The following RGL2 variants were observed in gnomAD, a reference collection of about 807,000 sequenced individuals.
The protein encoded by RGL2 is ral guanine nucleotide dissociation stimulator-like 2.
RGL2 carries 40 observed loss-of-function variants against 84.6 expected under a neutral mutation model. The observed-to-expected ratio is 0.47, with a 90% CI of 0.37 to 0.62. RGL2 has a LOEUF of 0.62. Among genes scored for constraint, RGL2 ranks in the 20% least tolerant of loss-of-function variants. RGL2 has a pLI of 0.00. For synonymous variants in RGL2, 369 were observed against 417.3 expected (o/e 0.88, Z 1.41); for missense variants, 865 against 1,019.7 (o/e 0.85, Z 2.07).
rs1767650027 is a variant in RGL2 at position 33,293,611 on chromosome 6, A to G, written c.1597T>C (p.Trp533Arg). 1 of 1,614,010 alleles carries G rather than the reference A, an allele frequency of 6.2e-7. No individual in the cohort carries two copies. Among genetic ancestry groups the G allele is most frequent in the Non-Finnish European group, 8.5e-7 (1 of 1,180,000 alleles). The change falls in exon 14 of 18, where the codon TGG becomes CGG. Residue 533 changes from tryptophan to arginine, a missense_variant. By Grantham distance (101) the Trp-to-Arg change is moderately radical. This residue lies in a region of RGL2 where 302 missense variants were observed against 327.9 expected (regional missense o/e 0.92). Coordinates refer to ENST00000497454, the MANE Select transcript of RGL2 (RefSeq NM_004761.5). The surrounding 1 kb of genome is among the most constrained non-coding windows in gnomAD (Gnocchi z 7.0). Reference protein sequence around the residue: ...VLRPTLVISQWTEVLGSVGVP... With the variant: ...VLRPTLVISQRTEVLGSVGVP... ...AGCCAGTGAATCTCTCACTCTGTCC[A>G]CTGCGAGATGACCAATGTTGGCCGA... is the stretch of plus-strand genomic sequence containing the variant.
Position 33,291,866 on chromosome 6 carries a change from T to C in RGL2, c.*236A>G. 1.7e-6 allele frequency: 1 copy of C among 602,262 alleles called. No individual in the cohort carries two copies. The allele number at this position is 602,262 out of a possible 1,614,324, so 37.3% of individuals were successfully genotyped here. ...CGTTTTTCCAGCACTACCTGTGTGCTGCACTCATGGAAGGTGGGAAGCTAT... is the reference window on the plus strand; with the variant it reads ...CGTTTTTCCAGCACTACCTGTGTGCCGCACTCATGGAAGGTGGGAAGCTAT... On this transcript the variant is annotated 3_prime_UTR_variant, in exon 18 of 18. Transcript: ENST00000497454.
Position 33,297,197 on chromosome 6 carries a change from C to T in RGL2, c.157-82G>A, listed in dbSNP as rs569029650. ...AGCCTTCACCCCAGGCCCTGCTCCT[C>T]CCTCTGTACCCCTCACCTGTGGTGG... On this transcript the variant is annotated intron_variant, in intron 2 of 17. Transcript: ENST00000497454. The surrounding 1 kb of genome is among the most constrained non-coding windows in gnomAD (Gnocchi z 4.0). 5.9e-6 allele frequency: 6 copies of T among 1,012,302 alleles called. No homozygotes were observed. In the South Asian group the frequency reaches 6.3e-5, roughly 11 times the overall value. 62.7% of individuals were successfully genotyped at this position (1,012,302 alleles called of 1,614,324 possible).
In RGL2 at chr6:33,292,524, A is replaced by C. The variant is rs142079539; in HGVS notation, c.2028T>G (p.Ala676=). Residue 676 remains alanine, a synonymous_variant, in exon 17 of 18, where the codon GCT becomes GCG. Coordinates refer to ENST00000497454, the MANE Select transcript of RGL2 (RefSeq NM_004761.5). ...TAAGGACACGACTGATGACACTTGG[A>C]GCCTTGTCCTGGCTTGTCACCTGGC... ...KSILVTSQDK[A]PSVISRVLKK... The C allele has an allele frequency of 6.8e-6, 11 of 1,614,088 alleles. No individual in the cohort carries two copies. Among genetic ancestry groups the C allele is most frequent in the Non-Finnish European group, 9.3e-6 (11 of 1,179,990 alleles).
chr6:33,295,607 C>A lies in RGL2; in HGVS notation c.921G>T (p.Gly307=). Residue 307 remains glycine (G), a synonymous_variant, in exon 7 of 18, where the codon GGG becomes GGT. Coordinates refer to ENST00000497454, the MANE Select transcript of RGL2 (RefSeq NM_004761.5). The surrounding 1 kb of genome is among the most constrained non-coding windows in gnomAD (Gnocchi z 7.2). The stretch of plus-strand genomic sequence containing the variant: ...CAGGTCCCTCTCCAGTGGAAGTAGC[C>A]CCCAGGACAGAACTAACCACTGCCC... The part of the protein sequence containing the change: ...VAGAVVSSVL[G]ATSTGEGPGE... The A allele has an allele frequency of 6.2e-7, 1 of 1,613,956 alleles. No homozygotes were observed. Among genetic ancestry groups the A allele is most frequent in the Non-Finnish European group, 8.5e-7 (1 of 1,180,036 alleles).
chr6:33,292,606 C>T (rs1767522694), intron 16 of RGL2, 62 bp from the exon 17 acceptor site: 3 of 1,377,720 alleles, frequency 2.2e-6, no homozygotes, highest in South Asian at 2.3e-5. Flanking sequence ...CTTCTACCCT[C>T]AGCCACTGAA....
intron 17 of RGL2, 48 bp from the exon 18 acceptor site, chr6:33,292,361 C>T (rs376466191): frequency 1.2e-6 from 2 of 1,609,162 alleles, no homozygotes; most frequent in African/African-American, 2.7e-5. Flanking sequence ...GTTGTTCCCC[C>T]CACAGCCGCC....
At position 33,298,912 on chromosome 6, in the gene RGL2, T is replaced by C. The variant is rs1204823752; in HGVS notation, c.-84A>G. 1 of 292,278 alleles carries C rather than the reference T, an allele frequency of 3.4e-6. No individual in the cohort carries two copies. The highest frequency in any genetic ancestry group is 6.3e-6 in the Non-Finnish European group (1 of 157,636). 18.1% of individuals were successfully genotyped at this position (292,278 alleles called of 1,614,324 possible). On this transcript the variant is annotated 5_prime_UTR_variant, in exon 1 of 18. Transcript: ENST00000497454. The surrounding 1 kb of genome is among the most constrained non-coding windows in gnomAD (Gnocchi z 4.8). ...GGGCAGCGTGGGTCCTGAGCCGCTG[T>C]TGCCGTCGGTCTCCGGCCCCGGACC...
At position 33,294,193 on chromosome 6, in the gene RGL2, ACT is replaced by A. The variant is rs941579856; in HGVS notation, c.1354-129_1354-128del. 64 of 1,127,526 alleles carry A rather than the reference ACT, an allele frequency of 5.7e-5. No homozygotes were observed. The highest frequency in any genetic ancestry group is 3.2e-4 in the African/African-American group (21 of 64,828). 69.8% of individuals were successfully genotyped at this position (1,127,526 alleles called of 1,614,324 possible). A position where few individuals can be genotyped will look rare whatever the true frequency, so the allele number is the denominator to read the frequency against. On this transcript the variant is annotated intron_variant, in intron 11 of 17. Coordinates refer to ENST00000497454, the MANE Select transcript of RGL2 (RefSeq NM_004761.5). The surrounding 1 kb of genome is among the most constrained non-coding windows in gnomAD (Gnocchi z 5.0). Reference sequence around the variant, plus strand: ...CAACCACTTCCCTCCAGCCTCTCTGACTCTTCGATCCCTCCCTGCCTTCCTCC... The same window carrying A: ...CAACCACTTCCCTCCAGCCTCTCTGACTTCGATCCCTCCCTGCCTTCCTCC...
Position 33,297,144 on chromosome 6 carries a change from C to T in RGL2, c.157-29G>A. The T allele has an allele frequency of 6.7e-7, 1 of 1,500,808 alleles. No homozygotes were observed. Among genetic ancestry groups the T allele is most frequent in the Non-Finnish European group, 9.0e-7 (1 of 1,115,598 alleles). 93.0% of individuals were successfully genotyped at this position (1,500,808 alleles called of 1,614,324 possible). On this transcript the variant is annotated intron_variant, in intron 2 of 17. Transcript: ENST00000497454. This position sits in a 1 kb window ranked among gnomAD's most constrained non-coding sequence, Gnocchi z 4.0. ...GAGGAGCAAGGAAGGGGAAGTCAGACAGTTCCACACCACCCCCCATTGCCC... is the reference window on the plus strand; with the variant it reads ...GAGGAGCAAGGAAGGGGAAGTCAGATAGTTCCACACCACCCCCCATTGCCC...
chr6:33,293,386 A>G lies in RGL2; in HGVS notation c.1716+27T>C. ...CATTTACAGAGTGAGGGTCAGCGTC[A>G]AGGTCAGAGTCAGGAGCAGAGCTCA... On this transcript the variant is annotated intron_variant, in intron 15 of 17. Coordinates refer to ENST00000497454, the MANE Select transcript of RGL2 (RefSeq NM_004761.5). This position sits in a 1 kb window ranked among gnomAD's most constrained non-coding sequence, Gnocchi z 7.0. 6.2e-7 allele frequency: 1 copy of G among 1,605,132 alleles called. No homozygotes were observed.
rs1274501046 is a variant in RGL2, at chr6:33,292,191, C to T, written c.2245G>A (p.Ala749Thr). The change falls in exon 18 of 18, where the codon GCC becomes ACC. Residue 749 changes from alanine (A) to threonine (T), a missense_variant. This residue lies in a region of RGL2 where 302 missense variants were observed against 327.9 expected (regional missense o/e 0.92). Coordinates refer to ENST00000497454, the MANE Select transcript of RGL2 (RefSeq NM_004761.5). The part of the protein sequence containing the change: ...ATPGVTSGPS[A>T]SGTPPSEGGG... ...CCCTCACTCGGAGGAGTTCCTGAGGCAGACGGGCCACTGGTGACGCCAGGT... is the reference window on the plus strand; with the variant it reads ...CCCTCACTCGGAGGAGTTCCTGAGGTAGACGGGCCACTGGTGACGCCAGGT... 2 of 1,614,208 alleles carry T rather than the reference C, an allele frequency of 1.2e-6. No homozygotes were observed. The highest frequency in any genetic ancestry group is 1.7e-6 in the Non-Finnish European group (2 of 1,180,038).
At position 33,292,247 on chromosome 6, in the gene RGL2, A is replaced by G; in HGVS notation, c.2189T>C (p.Leu730Pro). The change falls in exon 18 of 18, where the codon CTG becomes CCG. Residue 730 changes from leucine to proline, a missense_variant. This residue lies in a region of RGL2 where 302 missense variants were observed against 327.9 expected (regional missense o/e 0.92). Coordinates refer to ENST00000497454, the MANE Select transcript of RGL2 (RefSeq NM_004761.5). ...AGTAGAGGACCTTCGCCGCTGCCGC[A>G]GGAGGAAATCGTGTGAAGCTCCATC... Reference protein sequence around the residue: ...AMDGASHDFLLRQRRRSSTAT... With the variant: ...AMDGASHDFLPRQRRRSSTAT... The G allele has an allele frequency of 6.2e-7, 1 of 1,614,210 alleles. No individual in the cohort carries two copies. The highest frequency in any genetic ancestry group is 8.5e-7 in the Non-Finnish European group (1 of 1,180,042).
At chr6:33,299,464 C>T (rs1175212627), upstream of RGL2, 1 of 152,124 alleles carries the variant, frequency 6.6e-6, no homozygotes, top group Non-Finnish European at 1.5e-5. The surrounding 1 kb of genome is among the most constrained non-coding windows in gnomAD (Gnocchi z 5.0). Flanking sequence ...ACATCCGGTT[C>T]CAGATTCGGC....
At position 33,296,549 on chromosome 6, in the gene RGL2, G is replaced by C. The variant is rs765211954; in HGVS notation, c.419+49C>G. ...ATTTTGGTGGGATGTTGCGGCTTTA[G>C]GAAATCCGGGCAGATACTCCACTAC... is the stretch of plus-strand genomic sequence containing the variant. On this transcript the variant is annotated intron_variant, in intron 4 of 17. Transcript: ENST00000497454. This position sits in a 1 kb window ranked among gnomAD's most constrained non-coding sequence, Gnocchi z 5.0. 6.3e-7 allele frequency: 1 copy of C among 1,586,414 alleles called. No individual in the cohort carries two copies. The highest frequency in any genetic ancestry group is 1.3e-5 in the African/African-American group (1 of 74,200).
intron 17 of RGL2, 57 bp from the exon 18 acceptor site, chr6:33,292,370 C>T: frequency 6.2e-7 from 1 of 1,605,672 alleles, no homozygotes; most frequent in Non-Finnish European, 8.5e-7. Flanking sequence ...CCCACAGCCG[C>T]CCAGATGTGG....
Position 33,295,000 on chromosome 6 carries a change from G to T in RGL2, c.1255C>A (p.Pro419Thr). 6.3e-7 allele frequency: 1 copy of T among 1,583,264 alleles called. No homozygotes were observed. The highest frequency in any genetic ancestry group is 8.6e-7 in the Non-Finnish European group (1 of 1,164,270). Residue 419 changes from proline to threonine, a missense_variant, in exon 10 of 18, where the codon CCG (proline) becomes ACG (threonine). Transcript: ENST00000497454. The surrounding 1 kb of genome is among the most constrained non-coding windows in gnomAD (Gnocchi z 5.0). ...SPLEPHSKKA[P>T]RSGSRGGGVV... ...ACCCCACCCCGGGAGCCAGACCTCG[G>T]GGCCTTCTTGGAGTGTGGCTCCAGA...
At chr6:33,298,995 C>T (rs927393171), upstream of RGL2, 2 of 167,818 alleles carry the variant, frequency 1.2e-5, no homozygotes, top group African/African-American at 2.4e-5. The surrounding 1 kb of genome is among the most constrained non-coding windows in gnomAD (Gnocchi z 4.8). Flanking sequence ...GCTCCTGGGC[C>T]CTCCCGCCCT....
Position 33,295,934 on chromosome 6 carries a change from G to C in RGL2, c.768+94C>G. On this transcript the variant is annotated intron_variant, in intron 6 of 17. Coordinates refer to ENST00000497454, the MANE Select transcript of RGL2 (RefSeq NM_004761.5). This position sits in a 1 kb window ranked among gnomAD's most constrained non-coding sequence, Gnocchi z 7.2. ...GGTAGGTGGAGGAGGCTAGGAGCTG[G>C]ATCAGGAAGGGGTGGAAGCAAGGAA... 1 of 1,513,644 alleles carries C rather than the reference G, an allele frequency of 6.6e-7. No homozygotes were observed. Among genetic ancestry groups the C allele is most frequent in the Non-Finnish European group, 9.1e-7 (1 of 1,101,748 alleles). 93.8% of individuals were successfully genotyped at this position (1,513,644 alleles called of 1,614,324 possible).
At chr6:33,300,960 C>G (rs3130259), upstream of RGL2, 1 of 140,226 alleles carries the variant, frequency 7.1e-6, no homozygotes, top group Non-Finnish European at 1.5e-5. Context: ...AGCGAGACTC[C>G]GTCTCAAAAA....
Sources: gnomAD v4.1 joint callset for allele counts on GRCh38, gnomAD v4.1.1 for gene constraint, gnomAD v4.1.1 regional missense constraint, Gnocchi (gnomAD v3.1) non-coding constraint, MANE v1.5 for transcripts, NCBI Gene and HGNC (gene_info 2026-07-23, HGNC 2026-07-21) for gene names.